Variants in RBMS3 observed in about 807,000 individuals in gnomAD.
RBMS3 encodes the protein RNA binding motif single stranded interacting protein 3.
Under a neutral mutation model 66.8 loss-of-function variants are expected in RBMS3, and 27 were observed. The observed-to-expected ratio is 0.40, with a 90% CI of 0.30 to 0.56. The LOEUF is 0.56. Ranked by LOEUF, RBMS3 falls within the 20% of genes least tolerant of loss-of-function variation. RBMS3 has a pLI of 0.40. For synonymous variants in RBMS3, 188 were observed against 183.0 expected, an observed-to-expected ratio of 1.03 and a Z score of -0.22; for missense variants, 513 against 549.5, an observed-to-expected ratio of 0.93 and a Z score of 0.66.
intron 8 of RBMS3, among the ~76,000 whole-genome samples, chr3:29,891,600 T>G (rs1015942088): frequency 1.3e-5 from 2 of 151,534 alleles, no homozygotes; most frequent in Admixed American, 6.6e-5. Context: ...CCCTCCCATA[T>G]TCAAAATCTC....
chr3:29,909,514 T>C (rs2060466028), intron 10 of RBMS3, among the ~76,000 whole-genome samples: 2 of 152,148 alleles, frequency 1.3e-5, no homozygotes, highest in Non-Finnish European at 2.9e-5. Context: ...GGCTTCCTGC[T>C]GTCTGAGATC....
chr3:29,525,016 C>T (rs1230696891), intron 3 of RBMS3, among the ~76,000 whole-genome samples: 3 of 151,874 alleles, frequency 2.0e-5, no homozygotes, highest in Admixed American at 6.6e-5. Flanking sequence ...ATCATGGGAC[C>T]GCACTCTAGT....
At chr3:29,978,493 C>T (rs932536326) in intron 12 of RBMS3, among the ~76,000 whole-genome samples, 2 of 151,574 alleles carry the variant, frequency 1.3e-5, no homozygotes, top group Non-Finnish European at 2.9e-5. Flanking sequence ...AAGATACACA[C>T]ACATACAACA....
intron 1 of RBMS3, among the ~76,000 whole-genome samples, chr3:29,338,997 G>A (rs1242863656): frequency 6.6e-6 from 1 of 152,072 alleles, no homozygotes; most frequent in Admixed American, 6.6e-5. Flanking sequence ...GCTACTAATT[G>A]TCATCTTTGC....
intron 5 of RBMS3, among the ~76,000 whole-genome samples, chr3:29,748,196 ATCCT>A (rs1324507143): frequency 6.6e-6 from 1 of 152,176 alleles, no homozygotes; most frequent in East Asian, 1.9e-4. Flanking sequence ...CAAGAGAACA[ATCCT>A]GGCAAAGAGA....
chr3:29,993,797 A>G (rs1386183364), intron 14 of RBMS3, among the ~76,000 whole-genome samples: 9 of 152,248 alleles, frequency 5.9e-5, no homozygotes, highest in Non-Finnish European at 1.3e-4. Context: ...TCAAACTAGA[A>G]TTACACTGTT....
intron 3 of RBMS3, among the ~76,000 whole-genome samples, chr3:29,573,814 A>T (rs1287721794): frequency 6.6e-6 from 1 of 152,110 alleles, no homozygotes; most frequent in Non-Finnish European, 1.5e-5. Context: ...TAACATCTTT[A>T]TTGAACCACT....
intron 2 of RBMS3, among the ~76,000 whole-genome samples, chr3:29,449,790 TTA>T: frequency 6.6e-6 from 1 of 152,264 alleles, no homozygotes; most frequent in South Asian, 2.1e-4. Context: ...AAAATAGGAG[TTA>T]TGTTACAAAA....
At chr3:29,555,976 C>G (rs1251254339) in intron 3 of RBMS3, among the ~76,000 whole-genome samples, 1 of 152,150 alleles carries the variant, frequency 6.6e-6, no homozygotes, top group African/African-American at 2.4e-5. Flanking sequence ...TATAAGAAAG[C>G]TCAAACCAGA....
At chr3:29,772,550 A>G (rs2056256506) in intron 6 of RBMS3, among the ~76,000 whole-genome samples, 1 of 151,958 alleles carries the variant, frequency 6.6e-6, no homozygotes, top group Admixed American at 6.6e-5. Context: ...GCACCACTGC[A>G]ATGGAGTCTC....
chr3:29,371,835 C>T lies in RBMS3; in HGVS notation c.76-62908C>T, dbSNP rs1000036168. ...CTAACCCAGAGCTTAAAGAACTAGG[C>T]GATGTTTCAATCAGTTTCATTTACA... On this transcript the variant is annotated intron_variant, in intron 1 of 14. Transcript: ENST00000383767. 2.6e-5 allele frequency among the ~76,000 whole-genome samples: 4 copies of T among 152,068 alleles called. No homozygotes were observed. In the East Asian group the frequency reaches 5.8e-4, roughly 22 times the overall value.
chr3:29,693,547 G>A (rs1576540947), intron 4 of RBMS3, among the ~76,000 whole-genome samples: 1 of 152,188 alleles, frequency 6.6e-6, no homozygotes, highest in East Asian at 1.9e-4. Flanking sequence ...TTGGGTAAAT[G>A]ACTGAGTTTT....
intron 4 of RBMS3, among the ~76,000 whole-genome samples, chr3:29,607,950 G>A (rs553964017): frequency 6.6e-5 from 10 of 151,766 alleles, no homozygotes; most frequent in African/African-American, 2.4e-4. Flanking sequence ...CTTTACTATA[G>A]AATTTATGAA....
At chr3:29,572,139 TA>T (rs1553623922) in intron 3 of RBMS3, among the ~76,000 whole-genome samples, 1 of 152,168 alleles carries the variant, frequency 6.6e-6, no homozygotes. Flanking sequence ...CCTTCAACTT[TA>T]CTGAATGTTT....
intron 1 of RBMS3, among the ~76,000 whole-genome samples, chr3:29,303,395 C>T (rs2033805128): frequency 6.6e-6 from 1 of 152,002 alleles, no homozygotes; most frequent in South Asian, 2.1e-4. Context: ...TGGTGCTTGG[C>T]ATCAGGTTCA....
intron 4 of RBMS3, among the ~76,000 whole-genome samples, chr3:29,652,904 A>G (rs2149216100): frequency 6.6e-6 from 1 of 152,292 alleles, no homozygotes; most frequent in African/African-American, 2.4e-5. Flanking sequence ...TCTTTGGTGT[A>G]AACATCCAAG....
At chr3:29,346,798 G>T (rs1184217059) in intron 1 of RBMS3, among the ~76,000 whole-genome samples, 1 of 152,154 alleles carries the variant, frequency 6.6e-6, no homozygotes, top group Admixed American at 6.5e-5. Flanking sequence ...ACTCTTTGCA[G>T]ACACAATTTA....
intron 3 of RBMS3, among the ~76,000 whole-genome samples, chr3:29,508,651 C>T (rs1489545147): frequency 6.6e-6 from 1 of 152,002 alleles, no homozygotes; most frequent in Admixed American, 6.6e-5. Flanking sequence ...AATAGTGCTG[C>T]AGTAAACATA....
intron 1 of RBMS3, among the ~76,000 whole-genome samples, chr3:29,408,653 T>G (rs910939054): frequency 1.3e-5 from 2 of 152,314 alleles, no homozygotes; most frequent in South Asian, 4.1e-4. Flanking sequence ...ATATATATTT[T>G]CTTTCTAAAT....
Sources: gnomAD v4.1 joint callset for allele counts (sites outside exome capture counted in the v4.1 genomes callset) on GRCh38, gnomAD v4.1.1 for gene constraint, MANE v1.5 for transcripts, NCBI Gene and HGNC (gene_info 2026-07-23, HGNC 2026-07-21) for gene names.